BMAL1: variants seen among roughly 807,000 people sequenced by gnomAD.
BMAL1 encodes the protein basic helix-loop-helix ARNT like 1.
chr11:13,289,997 C>A, the BMAL1 span, among the ~76,000 whole-genome samples: 9 of 152,164 alleles, frequency 5.9e-5, no homozygotes, highest in African/African-American at 2.2e-4. Flanking sequence ...ACACTCCCAC[C>A]AACAGTGTAA....
the BMAL1 span, among the ~76,000 whole-genome samples, chr11:13,364,064 G>A: frequency 1.9e-3 from 293 of 152,244 alleles, no homozygotes; most frequent in African/African-American, 6.7e-3. Context: ...TTCTGTCCAG[G>A]TACCTTTCAA....
At chr11:13,324,742 GT>G in the BMAL1 span, among the ~76,000 whole-genome samples, 1 of 152,236 alleles carries the variant, frequency 6.6e-6, no homozygotes, top group African/African-American at 2.4e-5. Context: ...CTGGCACACA[GT>G]GGGTGATCCT....
the BMAL1 span, among the ~76,000 whole-genome samples, chr11:13,316,503 T>G: frequency 2.6e-5 from 4 of 152,198 alleles, no homozygotes; most frequent in East Asian, 7.7e-4. Context: ...CCTTTTCCCC[T>G]ACCCCTCACT....
chr11:13,296,311 C>T, the BMAL1 span, among the ~76,000 whole-genome samples: 1 of 152,150 alleles, frequency 6.6e-6, no homozygotes, highest in Non-Finnish European at 1.5e-5. Context: ...TTGTCTCATA[C>T]CTGTCTGATG....
At chr11:13,362,242 T>G in the BMAL1 span, among the ~76,000 whole-genome samples, 1 of 152,210 alleles carries the variant, frequency 6.6e-6, no homozygotes, top group African/African-American at 2.4e-5. Flanking sequence ...AAAAGCCATC[T>G]GATTAGTACT....
the BMAL1 span, chr11:13,358,696 A>G: frequency 8.0e-7 from 1 of 1,242,388 alleles, no homozygotes; most frequent in Non-Finnish European, 1.1e-6. Context: ...ACTTGCAATT[A>G]TGTAGCCTTC....
At chr11:13,278,244 G>A in the BMAL1 span, among the ~76,000 whole-genome samples, 1 of 152,250 alleles carries the variant, frequency 6.6e-6, no homozygotes, top group African/African-American at 2.4e-5. Context: ...GTTCGCTGGA[G>A]TACCCACCGC....
chr11:13,358,762 G>A, the BMAL1 span, among the ~76,000 whole-genome samples: 13 of 152,154 alleles, frequency 8.5e-5, no homozygotes, highest in Non-Finnish European at 1.9e-4. Context: ...AGTGATTATT[G>A]AGCTTATGTG....
the BMAL1 span, among the ~76,000 whole-genome samples, chr11:13,365,184 T>C: frequency 2.7e-3 from 410 of 152,138 alleles, 1 homozygote; most frequent in African/African-American, 8.9e-3. Flanking sequence ...CTCTGGACCA[T>C]GATACCTTCA....
the BMAL1 span, among the ~76,000 whole-genome samples, chr11:13,283,577 A>G: frequency 3.9e-5 from 6 of 152,144 alleles, no homozygotes; most frequent in African/African-American, 1.2e-4. Context: ...GTAACACCCT[A>G]GTAGATTCCT....
the BMAL1 span, among the ~76,000 whole-genome samples, chr11:13,369,459 T>G: frequency 6.6e-6 from 1 of 152,228 alleles, no homozygotes; most frequent in Non-Finnish European, 1.5e-5. Flanking sequence ...CACCTGTCCA[T>G]GCTGCATCTG....
chr11:13,349,478 G>A, the BMAL1 span, among the ~76,000 whole-genome samples: 20 of 152,268 alleles, frequency 1.3e-4, no homozygotes, highest in East Asian at 3.7e-3. Flanking sequence ...TCTGTAAAAC[G>A]GAGAACACAG....
chr11:13,350,540 TG>T, the BMAL1 span, among the ~76,000 whole-genome samples: 3 of 152,164 alleles, frequency 2.0e-5, no homozygotes, highest in African/African-American at 7.2e-5. Context: ...AGTATAGTAC[TG>T]TGATGGAAAT....
chr11:13,347,524 C>A, the BMAL1 span, among the ~76,000 whole-genome samples: 1 of 151,934 alleles, frequency 6.6e-6, no homozygotes, highest in East Asian at 1.9e-4. Context: ...GAGTTTAGTA[C>A]TTGAAATTTG....
chr11:13,342,818 C>T, the BMAL1 span, among the ~76,000 whole-genome samples: 1 of 152,208 alleles, frequency 6.6e-6, no homozygotes. Context: ...TTAGATGGGA[C>T]TGGCCTGTGT....
the BMAL1 span, among the ~76,000 whole-genome samples, chr11:13,366,086 TC>T: frequency 6.6e-6 from 1 of 152,188 alleles, no homozygotes; most frequent in African/African-American, 2.4e-5. Context: ...ACCTATTATG[TC>T]CCCCAGAGTT....
At chr11:13,289,697 G>A in the BMAL1 span, among the ~76,000 whole-genome samples, 1 of 152,154 alleles carries the variant, frequency 6.6e-6, no homozygotes. Flanking sequence ...CCATGTCCCT[G>A]CAAAGAACAT....
chr11:13,284,258 ATATATATAT>A, the BMAL1 span, among the ~76,000 whole-genome samples: 34 of 24,344 alleles, frequency 1.4e-3, 3 homozygotes, highest in Admixed American at 5.0e-3. Flanking sequence ...ATATATATAT[ATATATATAT>A]TTTTTTTTTT....
At chr11:13,324,432 G>T in the BMAL1 span, among the ~76,000 whole-genome samples, 1 of 151,878 alleles carries the variant, frequency 6.6e-6, no homozygotes, top group South Asian at 2.1e-4. Flanking sequence ...GCTGTCCTCC[G>T]CCTGAGCTGC....
Sources: allele counts gnomAD v4.1 joint callset (sites outside exome capture counted in the v4.1 genomes callset), GRCh38; gene constraint gnomAD v4.1.1; transcripts MANE v1.5; gene names NCBI Gene and HGNC (gene_info 2026-07-23, HGNC 2026-07-21).